The following NPHP1 variants were observed in gnomAD, a reference collection of about 807,000 sequenced individuals.
NPHP1 encodes nephrocystin-1.
NPHP1 carries 70 observed loss-of-function variants against 90.4 expected under a neutral mutation model. The ratio of observed to expected loss-of-function variants is 0.77; its 90% CI spans 0.64 to 0.95. NPHP1 has a LOEUF of 0.95. Ranked by LOEUF, NPHP1 falls within the 40% of genes least tolerant of loss-of-function variation. The probability of loss-of-function intolerance (pLI) is 0.00; values close to 1 mark genes in which losing one functional copy is unlikely to be tolerated. For synonymous variants in NPHP1, 256 were observed against 271.7 expected (o/e 0.94, Z 0.57); for missense variants, 764 against 795.9 (o/e 0.96, Z 0.48).
chr2:110,195,808 A>G (rs1265061624), intron 2 of NPHP1, among the ~76,000 whole-genome samples: 1 of 152,172 alleles, frequency 6.6e-6, no homozygotes, highest in African/African-American at 2.4e-5. Context: ...AAACAGAGAT[A>G]TAGACCTATG....
At chr2:110,190,947 C>T (rs569130231) in intron 2 of NPHP1, among the ~76,000 whole-genome samples, 1 of 152,194 alleles carries the variant, frequency 6.6e-6, no homozygotes, top group East Asian at 1.9e-4. Flanking sequence ...CAGTGAAGTA[C>T]CATCTCATGC....
At chr2:110,153,848 T>C (rs1188294970) in intron 11 of NPHP1, among the ~76,000 whole-genome samples, 1 of 151,958 alleles carries the variant, frequency 6.6e-6, no homozygotes, top group Non-Finnish European at 1.5e-5. Flanking sequence ...CTGGGTGTGG[T>C]AGTGAGCACC....
In NPHP1 at chr2:110,123,598, AAATTT is replaced by A; in HGVS notation, c.*188_*192del. ...TTAGATATAACAGTATTCCTTATAA[AAATTT>A]ATTTTATGGTTTTAAAAAATATTTA... On this transcript the variant is annotated 3_prime_UTR_variant, in exon 20 of 20. Coordinates refer to ENST00000445609, the MANE Select transcript of NPHP1 (RefSeq NM_001128178.3). 5.2e-6 allele frequency: 3 copies of A among 576,178 alleles called. No homozygotes were observed. The highest frequency in any genetic ancestry group is 8.9e-6 in the Non-Finnish European group (3 of 337,240). The allele number at this position is 576,178 out of a possible 1,614,324, so 35.7% of individuals were successfully genotyped here. A position where few individuals can be genotyped will look rare whatever the true frequency, so the allele number is the denominator to read the frequency against.
At chr2:110,156,479 A>C (rs1681895836) in intron 11 of NPHP1, among the ~76,000 whole-genome samples, 1 of 152,144 alleles carries the variant, frequency 6.6e-6, no homozygotes, top group African/African-American at 2.4e-5. Context: ...GCGTGAGAAC[A>C]AACTAATACA....
At chr2:110,162,210 C>A (rs1682396198) in intron 9 of NPHP1, among the ~76,000 whole-genome samples, 1 of 152,080 alleles carries the variant, frequency 6.6e-6, no homozygotes, top group African/African-American at 2.4e-5. Flanking sequence ...AGATATGTCC[C>A]CTGCCCTCCA....
chr2:110,128,471 G>C (rs3789736), intron 18 of NPHP1: 57,939 of 152,142 alleles, frequency 0.38, 11,695 homozygotes, highest in East Asian at 0.57. Flanking sequence ...CTCATGCTAA[G>C]CCTTCTACCT....
intron 2 of NPHP1, among the ~76,000 whole-genome samples, chr2:110,195,109 G>A (rs2104687997): frequency 6.6e-6 from 1 of 152,150 alleles, no homozygotes; most frequent in South Asian, 2.1e-4. Flanking sequence ...AGACAGGGAT[G>A]CCCTCTCTCA....
intron 11 of NPHP1, among the ~76,000 whole-genome samples, chr2:110,152,280 C>T (rs1681531046): frequency 6.6e-6 from 1 of 150,618 alleles, no homozygotes; most frequent in Non-Finnish European, 1.5e-5. Flanking sequence ...ATAGTGAAAC[C>T]TTGGCTCTAT....
chr2:110,128,924 T>C (rs890704746), intron 18 of NPHP1: 1 of 501,944 alleles, frequency 2.0e-6, no homozygotes, highest in Non-Finnish European at 3.6e-6. Flanking sequence ...TCAGTGGCCA[T>C]CCTAAGTCAA....
chr2:110,144,441 C>T, intron 15 of NPHP1, 52 bp downstream of exon 15: 2 of 1,175,800 alleles, frequency 1.7e-6, no homozygotes, highest in Non-Finnish European at 1.3e-6. Context: ...CTCTCAGATG[C>T]TTCTATTTGT....
chr2:110,160,231 A>G lies in NPHP1; in HGVS notation c.979T>C (p.Ser327Pro). The stretch of plus-strand genomic sequence containing the variant: ...CAGCTCCATAATGTCAGAATCAATG[A>G]AATACGACTTGGTCTCGACCTAATC... ...GTIRSRPSRI[S>P]LILTLWSCKM... Residue 327 changes from serine (S) to proline (P), a missense_variant, in exon 11 of 20, where the codon TCA (serine) becomes CCA (proline). Coordinates refer to ENST00000445609, the MANE Select transcript of NPHP1 (RefSeq NM_001128178.3). 1.2e-6 allele frequency: 2 copies of G among 1,611,588 alleles called. No individual in the cohort carries two copies. Among genetic ancestry groups the G allele is most frequent in the Non-Finnish European group, 8.5e-7 (1 of 1,177,766 alleles).
At chr2:110,143,800 T>A in intron 15 of NPHP1, 159 bp from the exon 16 acceptor site, 1 of 634,772 alleles carries the variant, frequency 1.6e-6, no homozygotes. Flanking sequence ...GAGACCTCCC[T>A]AAGGGCACAG....
In NPHP1 at chr2:110,163,067, G is replaced by C; in HGVS notation, c.840C>G (p.Leu280=). The change falls in exon 9 of 20, where the codon CTC becomes CTG. Residue 280 remains leucine (L), a synonymous_variant. Coordinates refer to ENST00000445609, the MANE Select transcript of NPHP1 (RefSeq NM_001128178.3). Reference sequence around the variant, plus strand: ...CATTACCTTCCTCCAGAAGCTGTGAGAGCGTGGAAGGCCTGAACCCTGCAG... The same window carrying C: ...CATTACCTTCCTCCAGAAGCTGTGACAGCGTGGAAGGCCTGAACCCTGCAG... ...AIPAGFRPST[L]SQLLEEGNQF... 6.2e-7 allele frequency: 1 copy of C among 1,612,964 alleles called. No individual in the cohort carries two copies.
intron 2 of NPHP1, among the ~76,000 whole-genome samples, chr2:110,193,098 C>A (rs1418924977): frequency 6.6e-6 from 1 of 152,160 alleles, no homozygotes; most frequent in Non-Finnish European, 1.5e-5. Flanking sequence ...ACTGCATCAA[C>A]TAATGAGCAA....
At chr2:110,186,854 GAAA>G in intron 2 of NPHP1, among the ~76,000 whole-genome samples, 1 of 151,998 alleles carries the variant, frequency 6.6e-6, no homozygotes, top group African/African-American at 2.4e-5. Context: ...AAAAAAGAAA[GAAA>G]GAAAGAAAGA....
intron 2 of NPHP1, among the ~76,000 whole-genome samples, chr2:110,196,331 A>C (rs1244485840): frequency 2.0e-5 from 3 of 152,188 alleles, no homozygotes; most frequent in Non-Finnish European, 4.4e-5. Context: ...GACGCCATCA[A>C]AAAGTGGGCA....
chr2:110,194,479 G>A (rs1396422358), intron 2 of NPHP1, among the ~76,000 whole-genome samples: 1 of 152,068 alleles, frequency 6.6e-6, no homozygotes, highest in Non-Finnish European at 1.5e-5. Flanking sequence ...TCTCTGAATA[G>A]ACCAATAACA....
At chr2:110,141,755 G>A (rs188335995) in intron 16 of NPHP1, among the ~76,000 whole-genome samples, 4,138 of 151,906 alleles carry the variant, frequency 0.027, 102 homozygotes, top group Non-Finnish European at 0.035. Context: ...GGCGGATCAC[G>A]AGGTCAGGAG....
chr2:110,195,560 G>A (rs1242090723), intron 2 of NPHP1, among the ~76,000 whole-genome samples: 6 of 152,206 alleles, frequency 3.9e-5, no homozygotes, highest in South Asian at 2.1e-4. Flanking sequence ...TATCAATATC[G>A]TGAAAATGAC....
Sources: gnomAD v4.1 joint callset for allele counts (sites outside exome capture counted in the v4.1 genomes callset) on GRCh38, gnomAD v4.1.1 for gene constraint, MANE v1.5 for transcripts, NCBI Gene and HGNC (gene_info 2026-07-23, HGNC 2026-07-21) for gene names.